LMX1A: variants seen among roughly 807,000 people sequenced by gnomAD.
LMX1A encodes the protein LIM homeobox transcription factor 1 alpha.
LMX1A carries 15 observed loss-of-function variants against 49.1 expected under a neutral mutation model. That is an observed-to-expected ratio of 0.31 (90% CI 0.20 to 0.47). The LOEUF (loss-of-function observed/expected upper bound fraction) is 0.47, where lower values mean the gene tolerates loss of function less well. Among genes scored for constraint, LMX1A ranks in the 20% least tolerant of loss-of-function variants. The pLI, the probability that LMX1A is intolerant of heterozygous loss-of-function variation, is 1.00. For missense variants in LMX1A, 372 were observed against 475.8 expected (o/e 0.78, Z 2.03); for synonymous variants, 167 against 185.7 (o/e 0.90, Z 0.82).
chr1:165,351,480 C>T (rs1262909646), intron 3 of LMX1A, among the ~76,000 whole-genome samples: 2 of 152,328 alleles, frequency 1.3e-5, no homozygotes, highest in Non-Finnish European at 2.9e-5. Context: ...CAAGAATACA[C>T]AGTCACATCT....
chr1:165,356,686 T>A lies in LMX1A; in HGVS notation c.-354A>T, dbSNP rs1331374074. 1 of 152,566 alleles carries A rather than the reference T, an allele frequency of 6.6e-6. No homozygotes were observed. The highest frequency in any genetic ancestry group is 1.5e-5 in the Non-Finnish European group (1 of 68,464). 9.5% of individuals were successfully genotyped at this position (152,566 alleles called of 1,614,324 possible). A position where few individuals can be genotyped will look rare whatever the true frequency, so the allele number is the denominator to read the frequency against. ...CAGGGTCCTGGGTGCGAGTCGGCCC[T>A]GCTTCGCCGGGGCGGATCCTGCAGC... is the stretch of plus-strand genomic sequence containing the variant. On this transcript the variant is annotated 5_prime_UTR_variant, in exon 1 of 9. Transcript: ENST00000342310.
intron 3 of LMX1A, among the ~76,000 whole-genome samples, chr1:165,250,541 G>C (rs1653020569): frequency 6.6e-6 from 1 of 152,126 alleles, no homozygotes; most frequent in Admixed American, 6.5e-5. Context: ...CAACTTCCCA[G>C]CCTGATATTC....
intron 3 of LMX1A, among the ~76,000 whole-genome samples, chr1:165,298,724 A>G (rs1654694007): frequency 6.6e-6 from 1 of 152,250 alleles, no homozygotes; most frequent in African/African-American, 2.4e-5. Flanking sequence ...TACAGAAAGG[A>G]CTGTAGCTTT....
chr1:165,289,722 A>G (rs1654406791), intron 3 of LMX1A, among the ~76,000 whole-genome samples: 1 of 152,150 alleles, frequency 6.6e-6, no homozygotes, highest in African/African-American at 2.4e-5. Context: ...AAGATAGCTA[A>G]TTTTCCCCAG....
chr1:165,249,690 T>C (rs1425913164), intron 3 of LMX1A, 50 bp from the exon 4 acceptor site: 2 of 1,446,098 alleles, frequency 1.4e-6, no homozygotes, highest in Non-Finnish European at 1.9e-6. Flanking sequence ...AAATCTGGCT[T>C]GGTCCTGGGT....
At chr1:165,269,142 G>A (rs937184068) in intron 3 of LMX1A, among the ~76,000 whole-genome samples, 5 of 152,166 alleles carry the variant, frequency 3.3e-5, no homozygotes, top group African/African-American at 1.2e-4. Flanking sequence ...TGGGACAAAA[G>A]AGGGTGAGAT....
At chr1:165,276,795 T>C (rs909652440) in intron 3 of LMX1A, among the ~76,000 whole-genome samples, 1 of 152,124 alleles carries the variant, frequency 6.6e-6, no homozygotes, top group Non-Finnish European at 1.5e-5. Flanking sequence ...AGTAAGATAA[T>C]GCATGTGAAC....
rs1557862934 is a variant in LMX1A at position 165,249,569 on chromosome 1, T to G, written c.335A>C (p.Lys112Thr). ...GAAGCAGCTCAGGTGGTATACACTCTTCTGGGCCCGCATAACAAACTCATT... is the reference window on the plus strand; with the variant it reads ...GAAGCAGCTCAGGTGGTATACACTCGTCTGGGCCCGCATAACAAACTCATT... The part of the protein sequence containing the change: ...APNEFVMRAQ[K>T]SVYHLSCFCC... The change falls in exon 4 of 9, where the codon AAG becomes ACG. Residue 112 changes from lysine (K) to threonine (T), a missense_variant. Physicochemically the swap from Lys to Thr is moderately conservative, Grantham distance 78. Around this residue, in one of 3 missense-constraint regions of LMX1A, gnomAD observed 199 missense variants for 244.0 expected, o/e 0.82. Coordinates refer to ENST00000342310, the MANE Select transcript of LMX1A (RefSeq NM_177398.4). 6.2e-7 allele frequency: 1 copy of G among 1,614,158 alleles called. No homozygotes were observed. The highest frequency in any genetic ancestry group is 8.5e-7 in the Non-Finnish European group (1 of 1,180,026).
intron 3 of LMX1A, among the ~76,000 whole-genome samples, chr1:165,292,965 A>G (rs1193682042): frequency 6.6e-6 from 1 of 152,044 alleles, no homozygotes; most frequent in East Asian, 1.9e-4. Context: ...AAAAATACAA[A>G]AATTAGCCAG....
intron 2 of LMX1A, 41 bp from the exon 3 acceptor site, chr1:165,353,303 A>T (rs769786593): frequency 6.4e-7 from 1 of 1,573,834 alleles, no homozygotes; most frequent in South Asian, 1.1e-5. Flanking sequence ...CAGCCCGGGC[A>T]GGTAGACCAT....
intron 3 of LMX1A, among the ~76,000 whole-genome samples, chr1:165,280,669 G>A (rs1435621934): frequency 6.6e-6 from 1 of 152,162 alleles, no homozygotes; most frequent in Non-Finnish European, 1.5e-5. Context: ...AAACTAGTAG[G>A]CATGCATTTG....
At chr1:165,323,573 C>T (rs933639582) in intron 3 of LMX1A, among the ~76,000 whole-genome samples, 4 of 152,190 alleles carry the variant, frequency 2.6e-5, no homozygotes, top group Admixed American at 6.5e-5. Context: ...CCAGATGCCA[C>T]GTAAAGTCAC....
At chr1:165,289,557 T>C (rs749363340) in intron 3 of LMX1A, among the ~76,000 whole-genome samples, 4 of 152,248 alleles carry the variant, frequency 2.6e-5, no homozygotes, top group Non-Finnish European at 5.9e-5. Flanking sequence ...ATGTTTCCAG[T>C]GTCCAAAATC....
chr1:165,206,474 C>T (rs1250093354), intron 7 of LMX1A, among the ~76,000 whole-genome samples: 1 of 152,174 alleles, frequency 6.6e-6, no homozygotes. Context: ...GCAGGATTCA[C>T]TTCCTGCCTC....
chr1:165,289,004 C>T (rs140056068), intron 3 of LMX1A, among the ~76,000 whole-genome samples: 1,799 of 152,302 alleles, frequency 0.012, 19 homozygotes, highest in Middle Eastern at 0.054. Context: ...CTGGGCCAAG[C>T]AGGCAGAGCA....
At chr1:165,264,946 G>C (rs886079199) in intron 3 of LMX1A, among the ~76,000 whole-genome samples, 3 of 152,066 alleles carry the variant, frequency 2.0e-5, no homozygotes, top group African/African-American at 7.2e-5. Context: ...GCTCACACCT[G>C]TAATCCCAGC....
chr1:165,208,539 T>G (rs1445554271), intron 6 of LMX1A, among the ~76,000 whole-genome samples: 1 of 152,196 alleles, frequency 6.6e-6, no homozygotes, highest in Non-Finnish European at 1.5e-5. Flanking sequence ...CCTTTCCTCC[T>G]CCCTGTCTGC....
intron 3 of LMX1A, among the ~76,000 whole-genome samples, chr1:165,306,839 G>A (rs1444190964): frequency 6.6e-6 from 1 of 152,194 alleles, no homozygotes; most frequent in Non-Finnish European, 1.5e-5. Flanking sequence ...CCATCAGTAG[G>A]ATTTCCACTC....
chr1:165,321,091 C>T (rs1655373368), intron 3 of LMX1A, among the ~76,000 whole-genome samples: 1 of 152,152 alleles, frequency 6.6e-6, no homozygotes, highest in Non-Finnish European at 1.5e-5. Flanking sequence ...ATACGTGCTA[C>T]ACATGGACGA....
Sources: allele counts gnomAD v4.1 joint callset (sites outside exome capture counted in the v4.1 genomes callset), GRCh38; gene constraint gnomAD v4.1.1; regional missense constraint gnomAD v4.1.1; transcripts MANE v1.5; gene names NCBI Gene and HGNC (gene_info 2026-07-23, HGNC 2026-07-21).